Variants in ASTN2 observed in about 807,000 individuals in gnomAD.
ASTN2 encodes the protein astrotactin-2.
In ASTN2, 54 loss-of-function variants were observed where a neutral mutation model predicts 139.8. The observed-to-expected ratio is 0.39, with a 90% CI of 0.31 to 0.48. The LOEUF (loss-of-function observed/expected upper bound fraction) is 0.48. Ranked by LOEUF, ASTN2 falls within the 20% of genes least tolerant of loss-of-function variation. ASTN2 has a pLI of 0.95. For synonymous variants in ASTN2, 756 were observed against 719.5 expected (o/e 1.05, Z -0.81); for missense variants, 1,565 against 1,725.1 (o/e 0.91, Z 1.64).
chr9:117,205,253 T>C (rs1181702396), intron 3 of ASTN2, among the ~76,000 whole-genome samples: 1 of 125,328 alleles, frequency 8.0e-6, no homozygotes, highest in African/African-American at 3.0e-5. Context: ...GAGATAAATA[T>C]TACAGCTGGA....
intron 16 of ASTN2, among the ~76,000 whole-genome samples, chr9:116,669,956 C>G (rs1859093316): frequency 6.6e-6 from 1 of 152,088 alleles, no homozygotes. Context: ...AGGCACGTGC[C>G]ACCACGCCCA....
chr9:117,048,855 G>A (rs2132664211), intron 5 of ASTN2, among the ~76,000 whole-genome samples: 1 of 152,128 alleles, frequency 6.6e-6, no homozygotes, highest in East Asian at 1.9e-4. Context: ...CTGACACACA[G>A]CTGAGTGATC....
chr9:116,991,811 C>G (rs944852016), intron 7 of ASTN2, among the ~76,000 whole-genome samples: 1 of 152,120 alleles, frequency 6.6e-6, no homozygotes, highest in Admixed American at 6.5e-5. Flanking sequence ...AAAACAGAGC[C>G]CAGCATTCAT....
intron 1 of ASTN2, among the ~76,000 whole-genome samples, chr9:117,402,895 T>C (rs888609475): frequency 2.6e-5 from 4 of 152,030 alleles, no homozygotes; most frequent in Admixed American, 2.6e-4. Context: ...GAGCAGATGC[T>C]AGAGCTAAGT....
At chr9:116,760,036 T>C (rs1829635590) in intron 13 of ASTN2, among the ~76,000 whole-genome samples, 1 of 152,216 alleles carries the variant, frequency 6.6e-6, no homozygotes. Flanking sequence ...GAGGCTTCCC[T>C]GTAAATACGG....
intron 1 of ASTN2, among the ~76,000 whole-genome samples, chr9:117,354,787 C>T (rs1829491103): frequency 6.6e-6 from 1 of 152,266 alleles, no homozygotes; most frequent in East Asian, 1.9e-4. Flanking sequence ...CTTCCCCGTA[C>T]TAGAACCTAC....
chr9:116,714,144 C>A (rs535539734), intron 16 of ASTN2, among the ~76,000 whole-genome samples: 3 of 152,194 alleles, frequency 2.0e-5, no homozygotes. Flanking sequence ...TCTTCTAGAA[C>A]AATATAAGCT....
At chr9:116,692,828 T>G (rs1471972578) in intron 16 of ASTN2, among the ~76,000 whole-genome samples, 1 of 152,182 alleles carries the variant, frequency 6.6e-6, no homozygotes, top group African/African-American at 2.4e-5. Context: ...CACAGCTCAC[T>G]GCAACCTCCA....
intron 2 of ASTN2, among the ~76,000 whole-genome samples, chr9:117,254,934 A>G (rs548944702): frequency 2.0e-5 from 3 of 152,350 alleles, no homozygotes; most frequent in Middle Eastern, 3.4e-3. Context: ...AGGACTTATT[A>G]AATTGTTTCA....
chr9:117,365,985 C>T (rs916571393), intron 1 of ASTN2, among the ~76,000 whole-genome samples: 6 of 152,162 alleles, frequency 3.9e-5, no homozygotes, highest in African/African-American at 1.2e-4. Flanking sequence ...GTTTGTTCTG[C>T]GCTCCTGACA....
chr9:117,070,964 C>G (rs1407704772), intron 5 of ASTN2, among the ~76,000 whole-genome samples: 1 of 147,760 alleles, frequency 6.8e-6, no homozygotes. Flanking sequence ...AATGTCCTCC[C>G]GTAGCTCAGA....
chr9:116,441,569 C>T (rs1277036031), intron 21 of ASTN2, among the ~76,000 whole-genome samples: 1 of 151,560 alleles, frequency 6.6e-6, no homozygotes, highest in Non-Finnish European at 1.5e-5. Context: ...AAAAATTTAT[C>T]AGGAAAATGT....
intron 1 of ASTN2, among the ~76,000 whole-genome samples, chr9:117,339,465 C>T (rs1223771690): frequency 6.6e-6 from 1 of 152,118 alleles, no homozygotes; most frequent in Non-Finnish European, 1.5e-5. Context: ...TGCTGCCACA[C>T]CTCCAATGTC....
intron 20 of ASTN2, among the ~76,000 whole-genome samples, chr9:116,447,860 G>C (rs1460630431): frequency 6.6e-6 from 1 of 152,220 alleles, no homozygotes; most frequent in African/African-American, 2.4e-5. Context: ...CCCCCAACTG[G>C]AGTAAGTGGT....
At chr9:116,657,973 C>A (rs1462439721) in intron 16 of ASTN2, among the ~76,000 whole-genome samples, 1 of 151,780 alleles carries the variant, frequency 6.6e-6, no homozygotes, top group African/African-American at 2.4e-5. Context: ...CTGCAACCTC[C>A]ACCTCCTGGA....
intron 16 of ASTN2, among the ~76,000 whole-genome samples, chr9:116,685,986 G>A (rs1167208196): frequency 6.6e-6 from 1 of 151,974 alleles, no homozygotes; most frequent in Non-Finnish European, 1.5e-5. Flanking sequence ...TTTTAAACGG[G>A]TGCAAAGTCT....
chr9:116,527,801 A>G (rs1851159190), intron 19 of ASTN2, among the ~76,000 whole-genome samples: 2 of 151,978 alleles, frequency 1.3e-5, no homozygotes, highest in Non-Finnish European at 2.9e-5. Flanking sequence ...ATCAGATCTG[A>G]TGGTTTAAAA....
chr9:117,121,969 C>T (rs1829570766), intron 4 of ASTN2, among the ~76,000 whole-genome samples: 1 of 152,100 alleles, frequency 6.6e-6, no homozygotes, highest in Admixed American at 6.5e-5. Flanking sequence ...CCCATCAGGC[C>T]CCTCCTCCAA....
intron 19 of ASTN2, chr9:116,612,811 T>C (rs1855616963): frequency 6.8e-6 from 1 of 146,026 alleles, no homozygotes; most frequent in Admixed American, 6.9e-5. Context: ...TTAAAAGAAC[T>C]AGAGAAGCAA....
Sources: allele counts gnomAD v4.1 joint callset (sites outside exome capture counted in the v4.1 genomes callset), GRCh38; gene constraint gnomAD v4.1.1; transcripts MANE v1.5; gene names NCBI Gene and HGNC (gene_info 2026-07-23, HGNC 2026-07-21).